Variants in ATP9B observed in about 807,000 individuals in gnomAD.
ATP9B encodes the protein ATPase phospholipid transporting 9B, also known as probable phospholipid-transporting ATPase IIB.
ATP9B carries 110 observed loss-of-function variants against 146.1 expected under a neutral mutation model. The ratio of observed to expected loss-of-function variants is 0.75; its 90% CI spans 0.65 to 0.88. The LOEUF is 0.88. Among genes scored for constraint, ATP9B ranks in the 40% least tolerant of loss-of-function variants. The pLI is 0.00. For synonymous variants in ATP9B, 604 were observed against 569.7 expected (o/e 1.06, Z -0.86); for missense variants, 1,499 against 1,496.4 (o/e 1.00, Z -0.03).
chr18:79,113,402 T>C, intron 4 of ATP9B, 48 bp downstream of exon 4: 1 of 1,195,222 alleles, frequency 8.4e-7, no homozygotes. Context: ...ATATTTAGAA[T>C]ATAGTTTTAA....
intron 15 of ATP9B, among the ~76,000 whole-genome samples, chr18:79,327,748 G>A (rs1331353806): frequency 3.1e-4 from 42 of 133,630 alleles, no homozygotes; most frequent in African/African-American, 1.2e-3. Context: ...CGTGCTCTCC[G>A]TGGTTAGCGT....
intron 29 of ATP9B, chr18:79,376,107 G>A: frequency 1.0e-6 from 1 of 982,156 alleles, no homozygotes; most frequent in Non-Finnish European, 1.2e-6. Flanking sequence ...TATTTGTGTT[G>A]CAGATGGAAC....
intron 2 of ATP9B, among the ~76,000 whole-genome samples, chr18:79,103,185 C>T (rs889951763): frequency 2.0e-5 from 3 of 151,734 alleles, no homozygotes; most frequent in African/African-American, 7.3e-5. Flanking sequence ...CAGGTGGGAG[C>T]TGACAGTATT....
At chr18:79,305,958 A>T (rs2096618025) in intron 14 of ATP9B, among the ~76,000 whole-genome samples, 1 of 152,248 alleles carries the variant, frequency 6.6e-6, no homozygotes, top group East Asian at 1.9e-4. Flanking sequence ...GTGTGAAATT[A>T]AATTGTACAA....
At position 79,347,824 on chromosome 18, in the gene ATP9B, A is replaced by C; in HGVS notation, c.2737A>C (p.Ile913Leu). Residue 913 changes from isoleucine to leucine, a missense_variant, in exon 24 of 30, where the codon ATA becomes CTA. Physicochemically the swap from Ile to Leu is conservative, Grantham distance 5 (BLOSUM62 2). Transcript: ENST00000426216. ...ADFSITQFRH[I>L]GRLLMVHGRN... ...CTTCTCCATCACGCAGTTCCGGCAC[A>C]TAGGCAGGCTGCTCATGGTGCACGG... is the stretch of plus-strand genomic sequence containing the variant. The C allele has an allele frequency of 6.2e-7, 1 of 1,613,392 alleles. No homozygotes were observed. The highest frequency in any genetic ancestry group is 8.5e-7 in the Non-Finnish European group (1 of 1,179,554).
At chr18:79,164,984 GGAC>G (rs1044033567) in intron 7 of ATP9B, among the ~76,000 whole-genome samples, 5 of 152,096 alleles carry the variant, frequency 3.3e-5, no homozygotes, top group Non-Finnish European at 7.3e-5. Context: ...AGGGTGGGCT[GGAC>G]TAAGCCATGT....
chr18:79,280,228 TAAA>T (rs2096362086), intron 13 of ATP9B, among the ~76,000 whole-genome samples: 1 of 151,906 alleles, frequency 6.6e-6, no homozygotes, highest in African/African-American at 2.4e-5. Context: ...AAGAGAAACA[TAAA>T]AAATTTAATA....
chr18:79,258,937 C>T (rs1011905321), intron 12 of ATP9B, among the ~76,000 whole-genome samples: 11 of 152,094 alleles, frequency 7.2e-5, no homozygotes, highest in Non-Finnish European at 4.4e-5. Flanking sequence ...GCAAATTTTC[C>T]GTAAAATATG....
chr18:79,166,305 A>G (rs537800244), intron 7 of ATP9B, among the ~76,000 whole-genome samples: 1 of 152,308 alleles, frequency 6.6e-6, no homozygotes, highest in East Asian at 1.9e-4. Flanking sequence ...GACTGTGAGC[A>G]TGTGCTAGGC....
Position 79,306,969 on chromosome 18 carries a change from C to G in ATP9B, c.1525-17C>G. 1 of 1,612,504 alleles carries G rather than the reference C, an allele frequency of 6.2e-7. No individual in the cohort carries two copies. The highest frequency in any genetic ancestry group is 8.5e-7 in the Non-Finnish European group (1 of 1,178,786). On this transcript the variant is annotated splice_polypyrimidine_tract_variant and intron_variant, in intron 14 of 29. Transcript: ENST00000426216. ...CTTTGCTCTATCTTTAATTATGTGACGTTTCATATTCTAAAGATGCAGTCT... is the reference window on the plus strand; with the variant it reads ...CTTTGCTCTATCTTTAATTATGTGAGGTTTCATATTCTAAAGATGCAGTCT...
intron 15 of ATP9B, among the ~76,000 whole-genome samples, chr18:79,310,670 T>C (rs1418882733): frequency 6.6e-6 from 1 of 152,220 alleles, no homozygotes; most frequent in African/African-American, 2.4e-5. Context: ...TCTCGTGTCC[T>C]GAAGGCACTT....
At chr18:79,309,472 A>G (rs961153016) in intron 15 of ATP9B, among the ~76,000 whole-genome samples, 2 of 146,892 alleles carry the variant, frequency 1.4e-5, no homozygotes, top group Admixed American at 6.8e-5. Context: ...GGGGTTGAGG[A>G]GTGATCCCCA....
intron 10 of ATP9B, among the ~76,000 whole-genome samples, chr18:79,211,485 G>A (rs940860613): frequency 6.6e-6 from 1 of 152,162 alleles, no homozygotes; most frequent in African/African-American, 2.4e-5. Context: ...TAAGTCTCGA[G>A]GGCCCTAGTC....
At chr18:79,159,525 T>C (rs148849697) in intron 7 of ATP9B, among the ~76,000 whole-genome samples, 111 of 152,312 alleles carry the variant, frequency 7.3e-4, no homozygotes, top group African/African-American at 2.6e-3. Context: ...AGGCAGCTTA[T>C]TCCAGCTTTC....
In ATP9B at chr18:79,307,233, A is replaced by C; in HGVS notation, c.1772A>C (p.Glu591Ala). The change falls in exon 15 of 30, where the codon GAG becomes GCG. Residue 591 changes from glutamate (E) to alanine (A), a missense_variant and splice_region_variant. By Grantham distance (107) the Glu-to-Ala change is moderately radical. Coordinates refer to ENST00000426216, the MANE Select transcript of ATP9B (RefSeq NM_198531.5). ...ACCTACCAGGCTTCCAGCCCGGATGAGGTCAGTCAAAGCACAAAACCGTGG... is the reference window on the plus strand; with the variant it reads ...ACCTACCAGGCTTCCAGCCCGGATGCGGTCAGTCAAAGCACAAAACCGTGG... ...NRTYQASSPD[E>A]VALVQWTESV... 6.2e-7 allele frequency: 1 copy of C among 1,614,128 alleles called. No homozygotes were observed. The highest frequency in any genetic ancestry group is 2.2e-5 in the East Asian group (1 of 44,890).
chr18:79,239,080 A>G lies in ATP9B; in HGVS notation c.1108-14301A>G, dbSNP rs2095867389. Among the ~76,000 whole-genome samples, 3 of 152,072 alleles carry G rather than the reference A, an allele frequency of 2.0e-5. No homozygotes were observed. The highest frequency in any genetic ancestry group is 2.1e-4 in the South Asian group (1 of 4,830). ...GAGAGCCTCCAGCCACTGAGCCCCA[A>G]CCCCCAGTCATCAAAACAACGGGGT... On this transcript the variant is annotated intron_variant, in intron 11 of 29. Coordinates refer to ENST00000426216, the MANE Select transcript of ATP9B (RefSeq NM_198531.5). The surrounding 1 kb of genome is among the most constrained non-coding windows in gnomAD (Gnocchi z 5.1).
In ATP9B at chr18:79,377,143, C is replaced by T. The variant is rs1400547004; in HGVS notation, c.3308-104C>T. ...TAAATGCACAGTGATGTTTCCGTGG[C>T]AAGCTTAGACCGTCTGGTGGCCTGG... On this transcript the variant is annotated intron_variant, in intron 29 of 29. Transcript: ENST00000426216. The T allele has an allele frequency of 4.4e-6, 6 of 1,378,578 alleles. No homozygotes were observed. In the Admixed American group the frequency reaches 1.1e-4, roughly 26 times the overall value. The allele number at this position is 1,378,578 out of a possible 1,614,324, so 85.4% of individuals were successfully genotyped here. A position where few individuals can be genotyped will look rare whatever the true frequency, so the allele number is the denominator to read the frequency against.
chr18:79,262,763 A>T (rs1006967628), intron 12 of ATP9B, among the ~76,000 whole-genome samples: 3 of 152,166 alleles, frequency 2.0e-5, no homozygotes, highest in Admixed American at 2.0e-4. Flanking sequence ...ACCATCTAGC[A>T]CTTAGCACCC....
chr18:79,311,848 G>A (rs8098415), intron 15 of ATP9B, among the ~76,000 whole-genome samples: 373 of 152,204 alleles, frequency 2.5e-3, no homozygotes, highest in African/African-American at 8.7e-3. Flanking sequence ...GCCCTGCATC[G>A]CAGCCAGTAC....
Sources: allele counts gnomAD v4.1 joint callset (sites outside exome capture counted in the v4.1 genomes callset), GRCh38; gene constraint gnomAD v4.1.1; non-coding constraint Gnocchi (gnomAD v3.1); transcripts MANE v1.5; gene names NCBI Gene and HGNC (gene_info 2026-07-23, HGNC 2026-07-21).